The following CADPS2 variants were observed in gnomAD, a reference collection of about 807,000 sequenced individuals.
The protein encoded by CADPS2 is calcium dependent secretion activator 2, also known as calcium-dependent secretion activator 2.
CADPS2 carries 93 observed loss-of-function variants against 172.5 expected under a neutral mutation model. The ratio of observed to expected loss-of-function variants is 0.54; its 90% CI spans 0.46 to 0.64. CADPS2 has a LOEUF of 0.64. Among genes scored for constraint, CADPS2 ranks in the 30% least tolerant of loss-of-function variants. The pLI is 0.00. For missense variants in CADPS2, 1,420 were observed against 1,565.9 expected, an observed-to-expected ratio of 0.91 and a Z score of 1.57; for synonymous variants, 546 against 555.2, an observed-to-expected ratio of 0.98 and a Z score of 0.23.
In CADPS2 at chr7:122,471,547, C is replaced by T; in HGVS notation, c.2014G>A (p.Gly672Ser). ...TACTCATCTAACACAAAGACTTGGC[C>T]AGGGCTAAACCATCCCTGCAAAATA... The part of the protein sequence containing the change: ...SYSCLGWFSP[G>S]QVFVLDEYCA... Residue 672 changes from glycine (G) to serine (S), a missense_variant, in exon 14 of 30, where the codon GGC becomes AGC. Coordinates refer to ENST00000449022, the MANE Select transcript of CADPS2 (RefSeq NM_017954.11). 6.3e-7 allele frequency: 1 copy of T among 1,594,520 alleles called. No individual in the cohort carries two copies. The highest frequency in any genetic ancestry group is 1.3e-5 in the African/African-American group (1 of 74,334).
At chr7:122,621,817 C>T (rs1010458063) in intron 4 of CADPS2, 100 bp from the exon 5 acceptor site, 21 of 700,016 alleles carry the variant, frequency 3.0e-5, no homozygotes, top group Non-Finnish European at 4.5e-5. Context: ...TTAGAAATTA[C>T]AACACTCTCA....
chr7:122,683,916 G>T lies in CADPS2; in HGVS notation c.454-20347C>A, dbSNP rs538482508. On this transcript the variant is annotated intron_variant, in intron 2 of 29. Coordinates refer to ENST00000449022, the MANE Select transcript of CADPS2 (RefSeq NM_017954.11). Reference sequence around the variant, plus strand: ...CTGTCCTGGTGTGAGTTAGTGTGGGGGTGTGTGTGAGCGTGCCCTGTGATG... The same window carrying T: ...CTGTCCTGGTGTGAGTTAGTGTGGGTGTGTGTGTGAGCGTGCCCTGTGATG... Among the ~76,000 whole-genome samples the T allele has an allele frequency of 2.6e-5, 4 of 152,044 alleles. No homozygotes were observed. The South Asian group carries it at 6.2e-4, about 24-fold the overall frequency.
rs144362482 is a variant in CADPS2, at chr7:122,659,887, A to C, written c.786+3350T>G. Among the ~76,000 whole-genome samples, 445 of 152,306 alleles carry C rather than the reference A, an allele frequency of 2.9e-3. 2 individuals are homozygous for C. The highest frequency in any genetic ancestry group is 9.8e-3 in the African/African-American group (407 of 41,582). On this transcript the variant is annotated intron_variant, in intron 3 of 29. Coordinates refer to ENST00000449022, the MANE Select transcript of CADPS2 (RefSeq NM_017954.11). ...GCTGAAAGAGAAAAAAAAATCTAAC[A>C]GATAATTCTATATCCAGTGAAATTA...
intron 7 of CADPS2, among the ~76,000 whole-genome samples, chr7:122,563,432 C>A (rs1435314194): frequency 1.3e-5 from 2 of 152,124 alleles, no homozygotes; most frequent in Admixed American, 6.6e-5. Context: ...ATTCCCACAT[C>A]ACCCCTCAAA....
At chr7:122,555,796 T>C (rs907070901) in intron 7 of CADPS2, among the ~76,000 whole-genome samples, 5 of 152,102 alleles carry the variant, frequency 3.3e-5, no homozygotes, top group Non-Finnish European at 7.4e-5. Context: ...CTGCCTTCTA[T>C]TCTTAGATTC....
At chr7:122,591,037 T>A (rs2070714410) in intron 6 of CADPS2, among the ~76,000 whole-genome samples, 1 of 151,548 alleles carries the variant, frequency 6.6e-6, no homozygotes, top group Non-Finnish European at 1.5e-5. Flanking sequence ...GTATCTGAAA[T>A]TCCAAATTGT....
chr7:122,671,680 C>CAGTG (rs2135563951), intron 2 of CADPS2, among the ~76,000 whole-genome samples: 1 of 152,254 alleles, frequency 6.6e-6, no homozygotes, highest in East Asian at 1.9e-4. Context: ...GCTCACAGTA[C>CAGTG]AGTGAGAAAG....
intron 2 of CADPS2, among the ~76,000 whole-genome samples, chr7:122,693,691 C>T (rs1337446515): frequency 6.6e-6 from 1 of 152,146 alleles, no homozygotes; most frequent in East Asian, 1.9e-4. Flanking sequence ...CGTAGTGGCT[C>T]GTGCCTATAA....
At chr7:122,732,281 A>G (rs1221843581) in intron 2 of CADPS2, among the ~76,000 whole-genome samples, 1 of 151,658 alleles carries the variant, frequency 6.6e-6, no homozygotes, top group Non-Finnish European at 1.5e-5. Flanking sequence ...GATCCCAGGT[A>G]TTAAAGTAAA....
At chr7:122,678,076 A>G (rs1262864021) in intron 2 of CADPS2, among the ~76,000 whole-genome samples, 1 of 152,206 alleles carries the variant, frequency 6.6e-6, no homozygotes, top group African/African-American at 2.4e-5. Context: ...TAGACACTCA[A>G]ATTTTAAAGG....
intron 1 of CADPS2, among the ~76,000 whole-genome samples, chr7:122,761,056 T>C (rs2093363517): frequency 6.6e-6 from 1 of 152,108 alleles, no homozygotes; most frequent in Admixed American, 6.6e-5. Flanking sequence ...AACAAAATAG[T>C]CTTGTTGAAA....
At chr7:122,373,481 T>C (rs557286822) in intron 25 of CADPS2, among the ~76,000 whole-genome samples, 1 of 152,276 alleles carries the variant, frequency 6.6e-6, no homozygotes, top group East Asian at 1.9e-4. Context: ...AAAACCACAA[T>C]CTATCCTGCC....
At chr7:122,621,829 T>G (rs1370841262) in intron 4 of CADPS2, 112 bp from the exon 5 acceptor site, 8 of 667,294 alleles carry the variant, frequency 1.2e-5, no homozygotes, top group African/African-American at 1.8e-5. Flanking sequence ...ACACTCTCAA[T>G]ATATCTATCC....
chr7:122,805,475 T>A (rs1170579346), intron 1 of CADPS2, among the ~76,000 whole-genome samples: 1 of 152,164 alleles, frequency 6.6e-6, no homozygotes, highest in Admixed American at 6.5e-5. Flanking sequence ...ATTTTTATTG[T>A]TTACTTCCCT....
intron 11 of CADPS2, among the ~76,000 whole-genome samples, chr7:122,483,411 C>T (rs545943891): frequency 6.6e-6 from 1 of 151,672 alleles, no homozygotes; most frequent in Admixed American, 6.6e-5. Context: ...TACTTTTTTT[C>T]GTATATAAAG....
intron 5 of CADPS2, among the ~76,000 whole-genome samples, chr7:122,619,655 T>G (rs887171981): frequency 5.3e-5 from 8 of 151,890 alleles, no homozygotes; most frequent in Non-Finnish European, 1.0e-4. Flanking sequence ...AGATAAACTC[T>G]TGTTGGAAAA....
At chr7:122,413,310 G>A (rs575033409) in intron 19 of CADPS2, among the ~76,000 whole-genome samples, 1 of 152,222 alleles carries the variant, frequency 6.6e-6, no homozygotes, top group South Asian at 2.1e-4. Context: ...AAGATTTTCT[G>A]GAAAGGAACT....
chr7:122,544,478 G>C (rs1359907642), intron 8 of CADPS2, among the ~76,000 whole-genome samples: 1 of 152,108 alleles, frequency 6.6e-6, no homozygotes, highest in Non-Finnish European at 1.5e-5. Flanking sequence ...AGTTTATTAA[G>C]CAGTTCTATT....
intron 1 of CADPS2, among the ~76,000 whole-genome samples, chr7:122,815,611 T>C (rs1420052949): frequency 6.9e-6 from 1 of 144,978 alleles, no homozygotes; most frequent in African/African-American, 2.6e-5. Context: ...TGGGTAATAA[T>C]GAAATACAAA....
Sources: allele counts gnomAD v4.1 joint callset (sites outside exome capture counted in the v4.1 genomes callset), GRCh38; gene constraint gnomAD v4.1.1; transcripts MANE v1.5; gene names NCBI Gene and HGNC (gene_info 2026-07-23, HGNC 2026-07-21).